GASK1B: variants seen among roughly 807,000 people sequenced by gnomAD.
The protein encoded by GASK1B is Golgi-associated kinase 1B.
A neutral mutation model predicts 42.8 loss-of-function variants in GASK1B; 34 were observed. The observed-to-expected ratio is 0.79, with a 90% confidence interval of 0.60 to 1.06. GASK1B has a LOEUF of 1.06. Ranked by LOEUF, GASK1B falls within the 50% of genes least tolerant of loss-of-function variation. The pLI is 0.00. For synonymous variants in GASK1B, 262 were observed against 259.1 expected (o/e 1.01, Z -0.11); for missense variants, 686 against 661.0 (o/e 1.04, Z -0.42).
intron 3 of GASK1B, among the ~76,000 whole-genome samples, chr4:158,154,484 T>C (rs1731683414): frequency 6.6e-6 from 1 of 152,214 alleles, no homozygotes; most frequent in African/African-American, 2.4e-5. Context: ...AGATCTACCC[T>C]TTGATCCAGC....
chr4:158,130,202 C>G (rs942782162), intron 4 of GASK1B, among the ~76,000 whole-genome samples: 11 of 152,190 alleles, frequency 7.2e-5, no homozygotes, highest in Non-Finnish European at 1.3e-4. Context: ...GTGTTAGATA[C>G]TTTTCCCCTT....
At position 158,162,863 on chromosome 4, in the gene GASK1B, A is replaced by G. The variant is rs545969065; in HGVS notation, c.911-7038T>C. The stretch of plus-strand genomic sequence containing the variant: ...TGCTACAGTCATTGGACGCTCACAC[A>G]TGATGTGAAGGGATAGCGGGAGGCA... On this transcript the variant is annotated intron_variant, in intron 2 of 4. Coordinates refer to ENST00000585682, the MANE Select transcript of GASK1B (RefSeq NM_001128424.2). 2.0e-5 allele frequency among the ~76,000 whole-genome samples: 3 copies of G among 152,308 alleles called. No individual in the cohort carries two copies. In the East Asian group the frequency reaches 5.8e-4, roughly 29 times the overall value.
intron 3 of GASK1B, among the ~76,000 whole-genome samples, chr4:158,146,095 C>T (rs546237792): frequency 6.6e-6 from 1 of 151,848 alleles, no homozygotes; most frequent in Non-Finnish European, 1.5e-5. Flanking sequence ...ATTTTACTTT[C>T]AACATTGTTA....
At chr4:158,163,963 G>C (rs139892037) in intron 2 of GASK1B, among the ~76,000 whole-genome samples, 5 of 152,300 alleles carry the variant, frequency 3.3e-5, no homozygotes, top group African/African-American at 1.2e-4. Context: ...TAGGTAAAAA[G>C]AGCTATCTAG....
rs143535648 is a variant in GASK1B at position 158,133,895 on chromosome 4, A to ATG, written c.1126-2885_1126-2884dup. Among the ~76,000 whole-genome samples the ATG allele has an allele frequency of 2.2e-3, 331 of 151,064 alleles. 1 individual carries two copies. The highest frequency in any genetic ancestry group is 6.8e-3 in the African/African-American group (282 of 41,178). On this transcript the variant is annotated intron_variant, in intron 3 of 4. Transcript: ENST00000585682. Reference sequence around the variant, plus strand: ...ATCTATATATGTACTTGATGGGCATATGTGTGTGTGTGTGTGTGTGTGCGC... The same window carrying ATG: ...ATCTATATATGTACTTGATGGGCATATGTGTGTGTGTGTGTGTGTGTGTGCGC...
chr4:158,152,794 C>T (rs970033798), intron 3 of GASK1B, among the ~76,000 whole-genome samples: 6 of 152,102 alleles, frequency 3.9e-5, no homozygotes, highest in Non-Finnish European at 8.8e-5. Context: ...TTGACAAAAT[C>T]CAGCATCCAT....
chr4:158,127,097 T>A lies in GASK1B; in HGVS notation c.*310A>T, dbSNP rs1730482575. On this transcript the variant is annotated 3_prime_UTR_variant, in exon 5 of 5. Coordinates refer to ENST00000585682, the MANE Select transcript of GASK1B (RefSeq NM_001128424.2). ...GTTTGCAGTTTTCTATTAAACAGCA[T>A]GACAAATGTTTTCAAAACTTAGCTA... is the stretch of plus-strand genomic sequence containing the variant. 9.2e-6 allele frequency: 2 copies of A among 217,058 alleles called. No homozygotes were observed. The highest frequency in any genetic ancestry group is 5.4e-5 in the Admixed American group (1 of 18,484). 13.4% of individuals were successfully genotyped at this position (217,058 alleles called of 1,614,324 possible).
Position 158,127,454 on chromosome 4 carries a change from TG to T in GASK1B, c.1512del (p.Thr505ProfsTer13), listed in dbSNP as rs1233155051. 12 of 1,613,580 alleles carry T rather than the reference TG, an allele frequency of 7.4e-6. No homozygotes were observed. The highest frequency in any genetic ancestry group is 1.0e-5 in the Non-Finnish European group (12 of 1,179,724). On this transcript the variant is annotated frameshift_variant, in exon 5 of 5. Transcript: ENST00000585682. LOFTEE classifies it high-confidence loss of function. ...DVIEHRAKIL[I>X]TYINAHGVKV... ...TTGACCCCGTGTGCATTGATATAGG[TG>T]ATAAGAATTTTGGCTCTGTGTTCTA... is the stretch of plus-strand genomic sequence containing the variant.
At chr4:158,141,596 CCT>C (rs1731118662) in intron 3 of GASK1B, among the ~76,000 whole-genome samples, 1 of 21,868 alleles carries the variant, frequency 4.6e-5, no homozygotes, top group Non-Finnish European at 2.6e-4. Context: ...TTTGTATTTA[CCT>C]TTTTTTTTTT....
chr4:158,127,683 T>G (rs1255480509), intron 4 of GASK1B, 69 bp from the exon 5 acceptor site: 1 of 1,350,196 alleles, frequency 7.4e-7, no homozygotes, highest in East Asian at 2.5e-5. Flanking sequence ...CCAACTGTCC[T>G]GCCTTTCATT....
intron 2 of GASK1B, among the ~76,000 whole-genome samples, chr4:158,164,670 T>C (rs1029973878): frequency 2.0e-5 from 3 of 152,222 alleles, no homozygotes; most frequent in African/African-American, 7.2e-5. Flanking sequence ...AGTTTGCCTA[T>C]ATGTCAAAGA....
chr4:158,156,828 C>T (rs939188772), intron 2 of GASK1B, among the ~76,000 whole-genome samples: 1 of 152,102 alleles, frequency 6.6e-6, no homozygotes, highest in Admixed American at 6.6e-5. Flanking sequence ...ATTCTTAACA[C>T]GTCTGAACAA....
At chr4:158,163,358 C>G (rs376725574) in intron 2 of GASK1B, among the ~76,000 whole-genome samples, 133 of 152,234 alleles carry the variant, frequency 8.7e-4, no homozygotes, top group African/African-American at 3.0e-3. Context: ...ATCACGAGGT[C>G]AGGAGTTTGA....
chr4:158,143,818 T>G (rs1011016503), intron 3 of GASK1B, among the ~76,000 whole-genome samples: 2 of 152,164 alleles, frequency 1.3e-5, no homozygotes, highest in Non-Finnish European at 2.9e-5. Context: ...AGTAAATTAT[T>G]GTTTACCTAC....
intron 2 of GASK1B, chr4:158,167,186 T>C (rs191017280): frequency 2.2e-4 from 34 of 152,320 alleles, no homozygotes; most frequent in Non-Finnish European, 3.1e-4. Context: ...CAGGCTTTGC[T>C]GGCTTCTCAC....
At chr4:158,132,117 T>C (rs1322340915) in intron 3 of GASK1B, among the ~76,000 whole-genome samples, 1 of 152,180 alleles carries the variant, frequency 6.6e-6, no homozygotes, top group Non-Finnish European at 1.5e-5. Context: ...GGTAGAATAT[T>C]AGTAAGTAAG....
At chr4:158,135,546 G>A (rs1025965957) in intron 3 of GASK1B, among the ~76,000 whole-genome samples, 3 of 151,842 alleles carry the variant, frequency 2.0e-5, no homozygotes, top group Admixed American at 6.6e-5. Flanking sequence ...TGAGGAAACT[G>A]AGGCAGAAAA....
At chr4:158,157,627 A>G (rs1490149055) in intron 2 of GASK1B, among the ~76,000 whole-genome samples, 1 of 152,080 alleles carries the variant, frequency 6.6e-6, no homozygotes, top group Non-Finnish European at 1.5e-5. Context: ...AGTTATATGC[A>G]CACAAACAGC....
At chr4:158,145,827 G>C (rs1731309835) in intron 3 of GASK1B, among the ~76,000 whole-genome samples, 1 of 152,122 alleles carries the variant, frequency 6.6e-6, no homozygotes, top group Non-Finnish European at 1.5e-5. Context: ...CAAGTGAAAA[G>C]AAATACATGC....
Sources: gnomAD v4.1 joint callset for allele counts (sites outside exome capture counted in the v4.1 genomes callset) on GRCh38, gnomAD v4.1.1 for gene constraint, MANE v1.5 for transcripts, NCBI Gene and HGNC (gene_info 2026-07-23, HGNC 2026-07-21) for gene names.